Variants in TTN observed in about 807,000 individuals in gnomAD.
The protein encoded by TTN is connectin.
A neutral mutation model predicts 3,223.0 loss-of-function variants in TTN; 1,525 were observed. The observed-to-expected ratio is 0.47, with a 90% CI of 0.45 to 0.49. TTN has a LOEUF of 0.49. Among genes scored for constraint, TTN ranks in the 20% least tolerant of loss-of-function variants. The pLI, the probability that TTN is intolerant of heterozygous loss-of-function variation, is 0.00. For synonymous variants in TTN, 14,094 were observed against 15,161.0 expected, an observed-to-expected ratio of 0.93 and a Z score of 5.17; for missense variants, 40,786 against 43,424.0, an observed-to-expected ratio of 0.94 and a Z score of 5.40.
At position 178,598,548 on chromosome 2, in the gene TTN, G is replaced by A. The variant is rs1490929702; in HGVS notation, c.57069C>T (p.Tyr19023=). Residue 19023 remains tyrosine (Y), a synonymous_variant, in exon 292 of 363, where the codon TAC becomes TAT. Coordinates refer to ENST00000589042, the MANE Select transcript of TTN (RefSeq NM_001267550.2). ...LKDGGSKVTG[Y]IVEYKEEGKE... is the part of the protein sequence containing the mutation. ...TTCCTTCTTCTTTATATTCAACGAT[G>A]TATCCAGTTACTTTGGATCCACCAT... 1 of 1,609,224 alleles carries A rather than the reference G, an allele frequency of 6.2e-7. No homozygotes were observed.
intron 121 of TTN, among the ~76,000 whole-genome samples, chr2:178,691,129 A>G (rs2072305389): frequency 6.6e-6 from 1 of 152,202 alleles, no homozygotes; most frequent in Admixed American, 6.5e-5. Flanking sequence ...AGAGAGAAGC[A>G]TATTTGATTC....
intron 29 of TTN, 72 bp from the exon 30 acceptor site, chr2:178,774,545 T>A: frequency 7.0e-7 from 1 of 1,421,552 alleles, no homozygotes; most frequent in Non-Finnish European, 9.7e-7. Flanking sequence ...ATAGAGATGA[T>A]GTCTTGTATG....
rs141442073 is a variant in TTN at position 178,734,155 on chromosome 2, G to A, written c.15496+173C>T. 4.9e-3 allele frequency among the ~76,000 whole-genome samples: 746 copies of A among 151,280 alleles called. 2 individuals are homozygous for A. Among genetic ancestry groups the A allele is most frequent in the Admixed American group, 0.015 (224 of 14,914 alleles). ...GATAATAGATATTTACACTAGTCTC[G>A]GGAAAAAGACCAGGTGAAAGTTACT... On this transcript the variant is annotated intron_variant, in intron 52 of 362. Coordinates refer to ENST00000589042, the MANE Select transcript of TTN (RefSeq NM_001267550.2).
rs1213801020 is a variant in TTN at position 178,575,791 on chromosome 2, G to C, written c.70341C>G (p.Ile23447Met). The C allele has an allele frequency of 3.7e-6, 6 of 1,613,066 alleles. No homozygotes were observed. The South Asian group carries it at 5.5e-5, about 15-fold the overall frequency. ...AGTGCAGGGTGACACTGTCCTTTGTGATGTCTGTAGGCCGCAGGTTGAGGA... is the reference window on the plus strand; with the variant it reads ...AGTGCAGGGTGACACTGTCCTTTGTCATGTCTGTAGGCCGCAGGTTGAGGA... The part of the protein sequence containing the change: ...GPVLNLRPTD[I>M]TKDSVTLHWD... The change falls in exon 326 of 363, where the codon ATC (isoleucine) becomes ATG (methionine). Residue 23447 changes from isoleucine (I) to methionine (M), a missense_variant. Physicochemically the swap from Ile to Met is conservative, Grantham distance 10. Transcript: ENST00000589042. This position sits in a 1 kb window ranked among gnomAD's most constrained non-coding sequence, Gnocchi z 4.0.
intron 164 of TTN, 69 bp downstream of exon 164, chr2:178,665,639 G>C: frequency 7.8e-7 from 1 of 1,281,334 alleles, no homozygotes; most frequent in South Asian, 1.7e-5. Flanking sequence ...TTATTCTCCA[G>C]TTCCCTAGCA....
chr2:178,748,044 T>G, intron 47 of TTN: 7 of 1,612,974 alleles, frequency 4.3e-6, no homozygotes, highest in South Asian at 1.1e-5. Context: ...GGTTCTAGAG[T>G]GCATTCTTCT....
Position 178,613,072 on chromosome 2 carries a change from T to A in TTN, c.49649A>T (p.Asp16550Val), listed in dbSNP as rs551846967. The A allele has an allele frequency of 1.1e-5, 17 of 1,612,468 alleles. No individual in the cohort carries two copies. The East Asian group carries it at 3.6e-4, about 34-fold the overall frequency. Residue 16550 changes from aspartate (D) to valine (V), a missense_variant and splice_region_variant, in exon 265 of 363, where the codon GAT becomes GTT. Transcript: ENST00000589042. ...TGGTTTTCCAGGGGGCCATGGAGGA[T>A]CTGCAAGCCAATGAAATCATTGTTT... Reference protein sequence around the residue: ...TEPILIKDPIDPPWPPGKPTV... With the variant: ...TEPILIKDPIVPPWPPGKPTV...
Position 178,553,770 on chromosome 2 carries a change from A to T in TTN, c.89235T>A (p.Asp29745Glu). 1 of 1,607,256 alleles carries T rather than the reference A, an allele frequency of 6.2e-7. No homozygotes were observed. Among genetic ancestry groups the T allele is most frequent in the Non-Finnish European group, 8.5e-7 (1 of 1,175,704 alleles). ...CAAGGGTGATGGATGACTTGGTTGA[A>T]TCTGCGATTCTTATCTTAGCAGGTG... The part of the protein sequence containing the change: ...PGPPAKIRIA[D>E]STKSSITLGW... The change falls in exon 334 of 363, where the codon GAT becomes GAA. Residue 29745 changes from aspartate to glutamate, a missense_variant. Physicochemically the swap from Asp to Glu is conservative, Grantham distance 45. Transcript: ENST00000589042.
chr2:178,776,098 C>T lies in TTN; in HGVS notation c.5766G>A (p.Glu1922=), dbSNP rs1554006506. ...VTAENPEGVI[E]HKVKLEIQQR... is the part of the protein sequence containing the mutation. ...GTTGAATCTCAAGCTTCACTTTATG[C>T]TCTATCACACCTTCAGGATTTTCCG... Residue 1922 remains glutamate, a synonymous_variant, in exon 28 of 363, where the codon GAG becomes GAA. Transcript: ENST00000589042. 1 of 1,614,180 alleles carries T rather than the reference C, an allele frequency of 6.2e-7. No individual in the cohort carries two copies. The highest frequency in any genetic ancestry group is 1.6e-4 in the Middle Eastern group (1 of 6,062).
rs759474127 is a variant in TTN at position 178,551,950 on chromosome 2, A to G, written c.90950T>C (p.Val30317Ala). 2.0e-5 allele frequency: 33 copies of G among 1,612,656 alleles called. No individual in the cohort carries two copies. In the African/African-American group the frequency reaches 2.9e-4, roughly 14 times the overall value. ...VSQPLVSSII[V>A]AKHQFRIPGP... is the part of the protein sequence containing the mutation. ...AGGAATCCTGAACTGGTGTTTTGCC[A>G]CAATAATGCTTGAGACAAGTGGTTG... is the stretch of plus-strand genomic sequence containing the variant. Residue 30317 changes from valine to alanine, a missense_variant, in exon 335 of 363, where the codon GTG becomes GCG. Coordinates refer to ENST00000589042, the MANE Select transcript of TTN (RefSeq NM_001267550.2).
Position 178,556,909 on chromosome 2 carries a change from AG to A in TTN, c.88244del (p.Ala29415ValfsTer12). 1 of 1,613,852 alleles carries A rather than the reference AG, an allele frequency of 6.2e-7. No homozygotes were observed. The highest frequency in any genetic ancestry group is 8.5e-7 in the Non-Finnish European group (1 of 1,179,808). On this transcript the variant is annotated frameshift_variant, in exon 330 of 363. Transcript: ENST00000589042. LOFTEE classifies it high-confidence loss of function. ...QYEFRVFARN[A>X]VGSISNPSEV... ...CAGATGGATTGCTAATGGAACCAACAGCATTCCTAGCAAAGACACGGAATTC... is the reference window on the plus strand; with the variant it reads ...CAGATGGATTGCTAATGGAACCAACACATTCCTAGCAAAGACACGGAATTC...
rs188572196 is a variant in TTN at position 178,745,127 on chromosome 2, G to T, written c.11312-3206C>A. On this transcript the variant is annotated intron_variant, in intron 47 of 362. Transcript: ENST00000589042. Reference sequence around the variant, plus strand: ...TAAACATGAGTTTGGATGCAAAGGGGTTAAAATTCCAAAAATAACTTAGAA... The same window carrying T: ...TAAACATGAGTTTGGATGCAAAGGGTTTAAAATTCCAAAAATAACTTAGAA... The T allele has an allele frequency of 1.1e-5, 11 of 990,784 alleles. No homozygotes were observed. The East Asian group carries it at 8.8e-4, about 79-fold the overall frequency. 61.4% of individuals were successfully genotyped at this position (990,784 alleles called of 1,614,324 possible).
In TTN at chr2:178,618,319, A is replaced by C. The variant is rs1576516161; in HGVS notation, c.47139T>G (p.Ser15713Arg). ...TWVLATDRAE[S>R]CEFTVTGLQK... is the part of the protein sequence containing the mutation. ...GTAGACCAGTGACAGTAAACTCACA[A>C]CTCTCTGCACGGTCTGTGGCCAGAA... The change falls in exon 252 of 363, where the codon AGT becomes AGG. Residue 15713 changes from serine (S) to arginine (R), a missense_variant. Physicochemically the swap from Ser to Arg is moderately radical, Grantham distance 110 (BLOSUM62 -1). Coordinates refer to ENST00000589042, the MANE Select transcript of TTN (RefSeq NM_001267550.2). The C allele has an allele frequency of 6.2e-7, 1 of 1,612,234 alleles. No homozygotes were observed. The highest frequency in any genetic ancestry group is 8.5e-7 in the Non-Finnish European group (1 of 1,179,018).
rs369269320 is a variant in TTN, at chr2:178,620,379, A to G, written c.46142T>C (p.Val15381Ala). The part of the protein sequence containing the change: ...YIVTAGQDKS[V>A]AELLIIEAPT... ...GGCTTCTATGATGAGAAGCTCAGCA[A>G]CAGATTTATCTTGTCCAGCAGTGAC... The change falls in exon 248 of 363, where the codon GTT (valine) becomes GCT (alanine). Residue 15381 changes from valine to alanine, a missense_variant. Val to Ala is a moderately conservative substitution (Grantham distance 64). Coordinates refer to ENST00000589042, the MANE Select transcript of TTN (RefSeq NM_001267550.2). 236 of 1,611,278 alleles carry G rather than the reference A, an allele frequency of 1.5e-4. 4 individuals are homozygous for G. In the South Asian group the frequency reaches 2.4e-3, roughly 16 times the overall value.
intron 13 of TTN, among the ~76,000 whole-genome samples, chr2:178,787,110 T>A (rs1281727805): frequency 6.6e-6 from 1 of 152,160 alleles, no homozygotes; most frequent in East Asian, 1.9e-4. Flanking sequence ...TTGGAAAATT[T>A]TATTAATATT....
chr2:178,732,730 G>A lies in TTN; in HGVS notation c.16343-12C>T, dbSNP rs895860682. The A allele has an allele frequency of 1.9e-6, 3 of 1,568,528 alleles. No homozygotes were observed. The highest frequency in any genetic ancestry group is 2.7e-5 in the African/African-American group (2 of 73,010). ...AAAACTGGGTGGTTCTGAAGAAGGG[G>A]TATAAGAAAGAATTTCAAAGAGTTA... On this transcript the variant is annotated splice_polypyrimidine_tract_variant and intron_variant, in intron 55 of 362. Coordinates refer to ENST00000589042, the MANE Select transcript of TTN (RefSeq NM_001267550.2).
At position 178,589,370 on chromosome 2, in the gene TTN, GTC is replaced by G; in HGVS notation, c.62353_62354del (p.Asp20785HisfsTer3). On this transcript the variant is annotated frameshift_variant, in exon 304 of 363. Transcript: ENST00000589042. LOFTEE classifies it high-confidence loss of function. ...LSGVLTVKAG[D>X]TIRLEAGVRG... Reference sequence around the variant, plus strand: ...TAACCCCTGCCTCAAGCCTAATGGTGTCCCCTGCTTTGACAGTTAGGACCCCA... The same window carrying G: ...TAACCCCTGCCTCAAGCCTAATGGTGCCCTGCTTTGACAGTTAGGACCCCA... The G allele has an allele frequency of 6.2e-7, 1 of 1,613,394 alleles. No individual in the cohort carries two copies. Among genetic ancestry groups the G allele is most frequent in the Non-Finnish European group, 8.5e-7 (1 of 1,179,630 alleles).
intron 10 of TTN, among the ~76,000 whole-genome samples, chr2:178,791,663 A>ATGTGTGTGTG (rs58282760): frequency 0.035 from 5,179 of 147,400 alleles, 105 homozygotes; most frequent in African/African-American, 0.044. Flanking sequence ...GTATGTGTAT[A>ATGTGTGTGTG]TGTGTGTGTG....
At position 178,618,756 on chromosome 2, in the gene TTN, T is replaced by C; in HGVS notation, c.46794A>G (p.Glu15598=). ...VVPYDAYPKA[E]AEWFKENEPL... ...GTTCATTTTCTTTAAACCATTCAGCTTCTGCTTTGGGGTAGGCATCATATG... is the reference window on the plus strand; with the variant it reads ...GTTCATTTTCTTTAAACCATTCAGCCTCTGCTTTGGGGTAGGCATCATATG... Residue 15598 remains glutamate, a synonymous_variant, in exon 251 of 363, where the codon GAA becomes GAG. Coordinates refer to ENST00000589042, the MANE Select transcript of TTN (RefSeq NM_001267550.2). 1 of 1,611,760 alleles carries C rather than the reference T, an allele frequency of 6.2e-7. No homozygotes were observed. Among genetic ancestry groups the C allele is most frequent in the South Asian group, 1.1e-5 (1 of 91,004 alleles).
Sources: allele counts gnomAD v4.1 joint callset (sites outside exome capture counted in the v4.1 genomes callset), GRCh38; gene constraint gnomAD v4.1.1; non-coding constraint Gnocchi (gnomAD v3.1); transcripts MANE v1.5; gene names NCBI Gene and HGNC (gene_info 2026-07-23, HGNC 2026-07-21).